Variants in ULK4 observed in about 807,000 individuals in gnomAD.
The protein encoded by ULK4 is unc-51 like kinase 4, also known as inactive serine/threonine-protein kinase ULK4.
In ULK4, 133 loss-of-function variants were observed where a neutral mutation model predicts 160.6. The ratio of observed to expected loss-of-function variants is 0.83; its 90% CI spans 0.72 to 0.96. ULK4 has a LOEUF of 0.96. ULK4 is among the 40% of genes least tolerant of loss of function. The pLI, the probability that ULK4 is intolerant of heterozygous loss-of-function variation, is 0.00. For missense variants in ULK4, 1,580 were observed against 1,499.5 expected, an observed-to-expected ratio of 1.05 and a Z score of -0.89; for synonymous variants, 534 against 539.8, an observed-to-expected ratio of 0.99 and a Z score of 0.15.
chr3:41,929,795 C>T (rs1230078032), intron 5 of ULK4, among the ~76,000 whole-genome samples: 5 of 152,018 alleles, frequency 3.3e-5, no homozygotes, highest in African/African-American at 1.2e-4. Context: ...TGTGAAGGAC[C>T]TCTTCAAGGA....
rs187256967 is a variant in ULK4, at chr3:41,455,590, C to T, written c.3399G>A (p.Gln1133=). Residue 1133 remains glutamine (Q), a synonymous_variant, in exon 34 of 37, where the codon CAG becomes CAA. Transcript: ENST00000301831. ...GAGGGTCCTCTCCTGAGCCAGACTT[C>T]TGGGCCTGGAACAGAGAGAAGAGAA... is the stretch of plus-strand genomic sequence containing the variant. ...SGIVRLALQA[Q]KSGSGEDPQA... is the part of the protein sequence containing the mutation. 2,832 of 1,613,834 alleles carry T rather than the reference C, an allele frequency of 1.8e-3. 4 individuals carry two copies. The highest frequency in any genetic ancestry group is 2.2e-3 in the Non-Finnish European group (2,552 of 1,179,892).
intron 32 of ULK4, among the ~76,000 whole-genome samples, chr3:41,510,976 C>A (rs1352261294): frequency 6.6e-6 from 1 of 151,900 alleles, no homozygotes; most frequent in African/African-American, 2.4e-5. Context: ...TCCTGGCTAA[C>A]ACGGTGAAAC....
chr3:41,700,345 G>A (rs1466350388), intron 27 of ULK4, among the ~76,000 whole-genome samples: 2 of 152,076 alleles, frequency 1.3e-5, no homozygotes, highest in African/African-American at 4.8e-5. Context: ...CTAGCATACA[G>A]AGTTTTATGA....
At chr3:41,817,656 A>G (rs2041015467) in intron 19 of ULK4, among the ~76,000 whole-genome samples, 1 of 152,134 alleles carries the variant, frequency 6.6e-6, no homozygotes, top group Non-Finnish European at 1.5e-5. Context: ...GGGCTGAAAA[A>G]CTACCTACTG....
rs984058952 is a variant in ULK4, at chr3:41,267,021, G to A, written c.3679-17447C>T. Among the ~76,000 whole-genome samples, 9 of 143,368 alleles carry A rather than the reference G, an allele frequency of 6.3e-5. 1 individual carries two copies. Among genetic ancestry groups the A allele is most frequent in the African/African-American group, 2.3e-4 (9 of 38,726 alleles). The allele number at this position is 143,368 out of a possible 152,430, so 94.1% of individuals were successfully genotyped here. A position where few individuals can be genotyped will look rare whatever the true frequency, so the allele number is the denominator to read the frequency against. The stretch of plus-strand genomic sequence containing the variant: ...GTGAGTAAATCTGTGTCTCTATTGG[G>A]GGGGGGGGGTTTAAGGCTTTTTTTT... On this transcript the variant is annotated intron_variant, in intron 35 of 36. Transcript: ENST00000301831.
chr3:41,615,707 C>A lies in ULK4; in HGVS notation c.3082G>T (p.Glu1028Ter). ...HNPTFTRLVE[E>*]SKLIPLIFEV... ...AAAATGAGTGGGATCAGTTTGCTTT[C>A]TTCCACAAGTCTGTTAAAAACAAGA... The change falls in exon 31 of 37, where the codon GAA (glutamate) becomes TAA (stop). Residue 1028 changes from glutamate to a stop codon, truncating the protein, a stop_gained. Transcript: ENST00000301831. LOFTEE classifies it high-confidence loss of function. The A allele has an allele frequency of 3.7e-6, 6 of 1,613,044 alleles. No individual in the cohort carries two copies. Among genetic ancestry groups the A allele is most frequent in the Non-Finnish European group, 5.1e-6 (6 of 1,179,524 alleles).
At chr3:41,918,609 T>C (rs1575948005) in intron 6 of ULK4, 69 bp from the exon 7 acceptor site, 1 of 999,148 alleles carries the variant, frequency 1.0e-6, no homozygotes, top group Non-Finnish European at 1.4e-6. Context: ...TTTTTTTTTT[T>C]TTTTTTTTTT....
chr3:41,495,003 G>A (rs894689261), intron 32 of ULK4, among the ~76,000 whole-genome samples: 21 of 152,020 alleles, frequency 1.4e-4, no homozygotes, highest in South Asian at 2.1e-4. Flanking sequence ...TGGCCATACT[G>A]CCCAAGGTAA....
At chr3:41,961,557 C>CCCT (rs1700672967) in intron 1 of ULK4, among the ~76,000 whole-genome samples, 1 of 8,242 alleles carries the variant, frequency 1.2e-4, no homozygotes, top group Non-Finnish European at 8.7e-4. Context: ...CTCACCCCCC[C>CCCT]CCCCCCCCCC....
intron 32 of ULK4, among the ~76,000 whole-genome samples, chr3:41,469,719 T>C (rs2083929366): frequency 7.2e-6 from 1 of 138,262 alleles, no homozygotes; most frequent in Non-Finnish European, 1.5e-5. Flanking sequence ...GAAATCATGA[T>C]ATATCCAAAA....
chr3:41,436,738 G>C (rs571930320), intron 34 of ULK4, among the ~76,000 whole-genome samples: 1 of 152,270 alleles, frequency 6.6e-6, no homozygotes, highest in South Asian at 2.1e-4. Context: ...TAATTAGGAA[G>C]CAGACTCAAG....
intron 19 of ULK4, among the ~76,000 whole-genome samples, chr3:41,806,362 G>A (rs898239383): frequency 7.9e-5 from 12 of 152,068 alleles, no homozygotes; most frequent in African/African-American, 2.9e-4. Context: ...GAGTCTATTT[G>A]ATTCTTCTCT....
At chr3:41,710,053 C>G (rs2037038900) in intron 25 of ULK4, among the ~76,000 whole-genome samples, 1 of 152,086 alleles carries the variant, frequency 6.6e-6, no homozygotes, top group South Asian at 2.1e-4. Flanking sequence ...CCTTTTCTGC[C>G]TTTCTCTTCC....
At chr3:41,700,887 G>T (rs921432302) in intron 27 of ULK4, among the ~76,000 whole-genome samples, 3 of 151,836 alleles carry the variant, frequency 2.0e-5, no homozygotes, top group Admixed American at 6.6e-5. Context: ...ATACAGATTT[G>T]AAAATAAAAA....
chr3:41,745,347 T>C (rs530100981), intron 22 of ULK4, among the ~76,000 whole-genome samples: 9 of 151,342 alleles, frequency 5.9e-5, no homozygotes, highest in African/African-American at 2.0e-4. Context: ...AATACTTCAG[T>C]AGTAAAAAGA....
intron 19 of ULK4, among the ~76,000 whole-genome samples, chr3:41,802,739 A>G (rs2040500017): frequency 1.3e-5 from 2 of 152,208 alleles, no homozygotes; most frequent in Non-Finnish European, 2.9e-5. Flanking sequence ...AGGAATTTGC[A>G]TATCACTATA....
intron 27 of ULK4, among the ~76,000 whole-genome samples, chr3:41,692,504 T>C (rs2036339613): frequency 6.6e-6 from 1 of 151,760 alleles, no homozygotes; most frequent in African/African-American, 2.4e-5. Context: ...ATATACGTTA[T>C]ATATTTATAT....
intron 7 of ULK4, among the ~76,000 whole-genome samples, chr3:41,916,967 C>G (rs1325434430): frequency 6.6e-6 from 1 of 152,074 alleles, no homozygotes; most frequent in Non-Finnish European, 1.5e-5. Flanking sequence ...CTCAGCCTCC[C>G]AAAGTGCTAG....
chr3:41,316,529 C>T (rs1024538275), intron 35 of ULK4, among the ~76,000 whole-genome samples: 1 of 152,054 alleles, frequency 6.6e-6, no homozygotes, highest in Non-Finnish European at 1.5e-5. Context: ...AATCAAATAC[C>T]GCATGTTCGT....
Sources: allele counts gnomAD v4.1 joint callset (sites outside exome capture counted in the v4.1 genomes callset), GRCh38; gene constraint gnomAD v4.1.1; transcripts MANE v1.5; gene names NCBI Gene and HGNC (gene_info 2026-07-23, HGNC 2026-07-21).